The following STK39 variants were observed in gnomAD, a reference collection of about 807,000 sequenced individuals.
The protein encoded by STK39 is STE20/SPS1-related proline-alanine-rich protein kinase.
STK39 carries 20 observed loss-of-function variants against 77.8 expected under a neutral mutation model. The ratio of observed to expected loss-of-function variants is 0.26; its 90% CI spans 0.18 to 0.37. STK39 has a LOEUF of 0.37. STK39 is among the 10% of genes least tolerant of loss of function. The probability of loss-of-function intolerance (pLI) is 1.00; values close to 1 mark genes in which losing one functional copy is unlikely to be tolerated. For synonymous variants in STK39, 246 were observed against 234.1 expected, an observed-to-expected ratio of 1.05 and a Z score of -0.47; for missense variants, 479 against 656.5, an observed-to-expected ratio of 0.73 and a Z score of 2.95.
At chr2:168,191,893 G>A (rs1268852503) in intron 1 of STK39, among the ~76,000 whole-genome samples, 1 of 152,160 alleles carries the variant, frequency 6.6e-6, no homozygotes, top group African/African-American at 2.4e-5. Context: ...CACTCCTTGG[G>A]TAGGACTGTA....
At chr2:168,063,691 C>T (rs1275641840) in intron 13 of STK39, 121 bp from the exon 14 acceptor site, 2 of 804,846 alleles carry the variant, frequency 2.5e-6, no homozygotes, top group Non-Finnish European at 3.9e-6. Flanking sequence ...TAGATCTTTA[C>T]ACACGCAGGC....
chr2:168,051,474 G>C (rs749741906), intron 14 of STK39, among the ~76,000 whole-genome samples: 6 of 152,154 alleles, frequency 3.9e-5, no homozygotes, highest in Non-Finnish European at 8.8e-5. Flanking sequence ...ACATTAAAAG[G>C]CTCATGAGAA....
At chr2:168,103,205 C>T (rs767733862) in intron 10 of STK39, among the ~76,000 whole-genome samples, 14 of 152,140 alleles carry the variant, frequency 9.2e-5, no homozygotes, top group Admixed American at 2.0e-4. Context: ...ATGTGTATTT[C>T]GTAAACTAAT....
intron 16 of STK39, among the ~76,000 whole-genome samples, chr2:167,971,282 G>A (rs1470202851): frequency 1.3e-5 from 2 of 152,188 alleles, no homozygotes. Flanking sequence ...CTGGGTCTAG[G>A]AATGGATTTA....
chr2:168,185,394 G>A (rs952653447), intron 1 of STK39, among the ~76,000 whole-genome samples: 1 of 152,160 alleles, frequency 6.6e-6, no homozygotes, highest in South Asian at 2.1e-4. Context: ...TCCCGACTAA[G>A]AACAGCTACT....
At position 167,954,639 on chromosome 2, in the gene STK39, A is replaced by AT. The variant is rs1281495085; in HGVS notation, c.*856dup. On this transcript the variant is annotated 3_prime_UTR_variant, in exon 18 of 18. Coordinates refer to ENST00000355999, the MANE Select transcript of STK39 (RefSeq NM_013233.3). ...CAAAACTTAACATATGCCACCTTAT[A>AT]TAGAGGAAATTTTAGATCTGAGACT... 6.6e-6 allele frequency: 1 copy of AT among 152,646 alleles called. No individual in the cohort carries two copies. The highest frequency in any genetic ancestry group is 1.9e-4 in the East Asian group (1 of 5,198). 9.5% of individuals were successfully genotyped at this position (152,646 alleles called of 1,614,324 possible). A position where few individuals can be genotyped will look rare whatever the true frequency, so the allele number is the denominator to read the frequency against.
At chr2:167,966,385 T>C (rs1412936093) in intron 16 of STK39, among the ~76,000 whole-genome samples, 4 of 152,232 alleles carry the variant, frequency 2.6e-5, no homozygotes, top group Non-Finnish European at 5.9e-5. Context: ...ATGAACACAG[T>C]ACCCATTTTC....
At chr2:168,016,411 A>AAAC (rs1684409944) in intron 15 of STK39, among the ~76,000 whole-genome samples, 1 of 148,560 alleles carries the variant, frequency 6.7e-6, no homozygotes, top group Non-Finnish European at 1.5e-5. Context: ...AAAAAAAAAA[A>AAAC]AACAACACTA....
rs1422758714 is a variant in STK39 at position 168,138,009 on chromosome 2, A to G, written c.974+79T>C. The G allele has an allele frequency of 1.9e-5, 29 of 1,525,116 alleles. No homozygotes were observed. The Admixed American group carries it at 5.4e-4, about 28-fold the overall frequency. The allele number at this position is 1,525,116 out of a possible 1,614,324, so 94.5% of individuals were successfully genotyped here. On this transcript the variant is annotated intron_variant, in intron 8 of 17. Transcript: ENST00000355999. ...AGAAATACCTTTCCAGTGTCCTCAC[A>G]AAGCCTTTCCCCATCTACAAACAAA... is the stretch of plus-strand genomic sequence containing the variant.
At chr2:168,242,560 AATATAT>A (rs59941306) in intron 1 of STK39, among the ~76,000 whole-genome samples, 580 of 44,490 alleles carry the variant, frequency 0.013, 9 homozygotes, top group African/African-American at 0.018. Flanking sequence ...AAAAAAAAAA[AATATAT>A]ATATATATAT....
intron 10 of STK39, among the ~76,000 whole-genome samples, chr2:168,115,814 G>A (rs936315689): frequency 2.0e-5 from 3 of 152,176 alleles, no homozygotes; most frequent in African/African-American, 7.2e-5. Context: ...GAGCAACATG[G>A]ACAAGGGCTA....
chr2:168,091,684 T>C (rs900521302), intron 10 of STK39, among the ~76,000 whole-genome samples: 19 of 152,186 alleles, frequency 1.2e-4, no homozygotes, highest in African/African-American at 4.6e-4. Context: ...TTCATTTTTG[T>C]TACCTTTTTT....
intron 2 of STK39, among the ~76,000 whole-genome samples, chr2:168,179,572 T>C (rs915913680): frequency 6.6e-6 from 1 of 152,148 alleles, no homozygotes; most frequent in African/African-American, 2.4e-5. Flanking sequence ...TTATACTCTA[T>C]TGCAACACGG....
intron 8 of STK39, 142 bp downstream of exon 8, chr2:168,137,946 G>T: frequency 8.6e-7 from 1 of 1,165,666 alleles, no homozygotes; most frequent in Non-Finnish European, 1.2e-6. Flanking sequence ...TCACTAACAG[G>T]TTGGAAATCT....
At chr2:168,144,154 T>A (rs775985644) in intron 5 of STK39, among the ~76,000 whole-genome samples, 1 of 152,206 alleles carries the variant, frequency 6.6e-6, no homozygotes, top group Non-Finnish European at 1.5e-5. Flanking sequence ...GTGGCAGATC[T>A]ACTAGGAAAC....
chr2:168,056,208 G>T (rs749895416), intron 14 of STK39, among the ~76,000 whole-genome samples: 1 of 151,666 alleles, frequency 6.6e-6, no homozygotes, highest in Non-Finnish European at 1.5e-5. Context: ...TGATCTCCAG[G>T]AATAAATAAA....
At chr2:168,082,924 C>T (rs1488414119) in intron 10 of STK39, among the ~76,000 whole-genome samples, 2 of 152,140 alleles carry the variant, frequency 1.3e-5, no homozygotes, top group African/African-American at 2.4e-5. Flanking sequence ...ATCCCAACCC[C>T]CACTGCCATC....
intron 14 of STK39, among the ~76,000 whole-genome samples, chr2:168,024,271 G>A (rs1350784711): frequency 6.6e-6 from 1 of 152,132 alleles, no homozygotes; most frequent in Admixed American, 6.5e-5. Flanking sequence ...ATGCAGATGG[G>A]GATCTGAGTT....
chr2:168,227,293 T>C (rs1690333041), intron 1 of STK39, among the ~76,000 whole-genome samples: 1 of 152,222 alleles, frequency 6.6e-6, no homozygotes, highest in Admixed American at 6.5e-5. Context: ...TCTACTTGAT[T>C]CATAAATATT....
Sources: allele counts gnomAD v4.1 joint callset (sites outside exome capture counted in the v4.1 genomes callset), GRCh38; gene constraint gnomAD v4.1.1; transcripts MANE v1.5; gene names NCBI Gene and HGNC (gene_info 2026-07-23, HGNC 2026-07-21).